The following ST6GALNAC3 variants were observed in gnomAD, a reference collection of about 807,000 sequenced individuals.
The protein encoded by ST6GALNAC3 is alpha-N-acetylgalactosaminide alpha-2,6-sialyltransferase 3.
Under a neutral mutation model 32.7 loss-of-function variants are expected in ST6GALNAC3, and 25 were observed. That is an observed-to-expected ratio of 0.76 (90% confidence interval 0.56 to 1.07). ST6GALNAC3 has a LOEUF of 1.07. ST6GALNAC3 is among the 50% of genes least tolerant of loss of function. The pLI, the probability that ST6GALNAC3 is intolerant of heterozygous loss-of-function variation, is 0.00. For synonymous variants in ST6GALNAC3, 129 were observed against 133.1 expected (o/e 0.97, Z 0.21); for missense variants, 355 against 382.4 (o/e 0.93, Z 0.60).
intron 1 of ST6GALNAC3, among the ~76,000 whole-genome samples, chr1:76,128,319 A>T (rs1303943000): frequency 6.6e-6 from 1 of 152,242 alleles, no homozygotes; most frequent in Non-Finnish European, 1.5e-5. Context: ...GCTCTACTGC[A>T]GGAGAACACC....
intron 1 of ST6GALNAC3, among the ~76,000 whole-genome samples, chr1:76,148,713 AG>A (rs941038221): frequency 1.3e-5 from 2 of 152,188 alleles, no homozygotes; most frequent in African/African-American, 2.4e-5. Context: ...TCCTGTCCCC[AG>A]GGGCCTCAGT....
At chr1:76,160,865 A>G (rs402394) in intron 1 of ST6GALNAC3, among the ~76,000 whole-genome samples, 21,271 of 150,228 alleles carry the variant, frequency 0.14, 1,738 homozygotes, top group Non-Finnish European at 0.19. Context: ...TATAATCAAC[A>G]TATCTTACTT....
chr1:76,507,681 A>G (rs1333177324), intron 3 of ST6GALNAC3, among the ~76,000 whole-genome samples: 3 of 152,206 alleles, frequency 2.0e-5, no homozygotes, highest in African/African-American at 7.2e-5. Context: ...TCATCCTCTG[A>G]CAGACATTTG....
rs150216763 is a variant in ST6GALNAC3, at chr1:76,218,653, C to G, written c.19-95152C>G. Among the ~76,000 whole-genome samples the G allele has an allele frequency of 1.9e-4, 29 of 152,242 alleles. No individual in the cohort carries two copies. The East Asian group carries it at 5.0e-3, about 26-fold the overall frequency. ...CATTTATCTGCTTTTTCTTTCCATG[C>G]CTCCCCTCTTTCCGTCCTTTCTTTT... On this transcript the variant is annotated intron_variant, in intron 1 of 4. Transcript: ENST00000328299.
chr1:76,597,160 CT>C (rs1647150469), intron 3 of ST6GALNAC3, among the ~76,000 whole-genome samples: 1 of 152,160 alleles, frequency 6.6e-6, no homozygotes, highest in African/African-American at 2.4e-5. Flanking sequence ...TCATCCAGAA[CT>C]TTTGGAGAGT....
At chr1:76,570,472 C>T (rs1665795291) in intron 3 of ST6GALNAC3, among the ~76,000 whole-genome samples, 1 of 151,984 alleles carries the variant, frequency 6.6e-6, no homozygotes, top group African/African-American at 2.4e-5. Context: ...TTTTTCCAAT[C>T]TCATACCTTC....
chr1:76,307,971 T>G (rs1476697634), intron 1 of ST6GALNAC3: 5 of 504,872 alleles, frequency 9.9e-6, no homozygotes, highest in Non-Finnish European at 2.0e-5. Flanking sequence ...TTGATGCATA[T>G]TTTTGCAGCA....
intron 3 of ST6GALNAC3, among the ~76,000 whole-genome samples, chr1:76,442,816 G>A (rs964498244): frequency 1.3e-5 from 2 of 152,118 alleles, no homozygotes; most frequent in Admixed American, 1.3e-4. Flanking sequence ...TTTTGTAATG[G>A]AATTTAAGAT....
intron 3 of ST6GALNAC3, among the ~76,000 whole-genome samples, chr1:76,416,627 G>T (rs796350585): frequency 0.013 from 1,490 of 113,206 alleles, 16 homozygotes; most frequent in African/African-American, 0.029. Context: ...TGTGGGTTTT[G>T]TTTTTTTTTT....
intron 3 of ST6GALNAC3, among the ~76,000 whole-genome samples, chr1:76,449,932 T>G (rs1244258947): frequency 6.6e-6 from 1 of 152,228 alleles, no homozygotes; most frequent in African/African-American, 2.4e-5. Flanking sequence ...CAGTGTACAC[T>G]GAACACAATG....
chr1:76,214,998 A>G (rs1655375950), intron 1 of ST6GALNAC3, among the ~76,000 whole-genome samples: 1 of 152,212 alleles, frequency 6.6e-6, no homozygotes, highest in African/African-American at 2.4e-5. Context: ...GGGTGCTCAT[A>G]TCAAATATGG....
rs141447891 is a variant in ST6GALNAC3 at position 76,172,077 on chromosome 1, A to G, written c.18+97193A>G. On this transcript the variant is annotated intron_variant, in intron 1 of 4. Coordinates refer to ENST00000328299, the MANE Select transcript of ST6GALNAC3 (RefSeq NM_152996.4). ...ATAAGCCAAATAAACATTGATACAA[A>G]AACCCTCCATAAAATACTGGCAAAC... Among the ~76,000 whole-genome samples the G allele has an allele frequency of 5.4e-3, 814 of 152,018 alleles. 8 individuals are homozygous for G. Among genetic ancestry groups the G allele is most frequent in the African/African-American group, 0.018 (749 of 41,534 alleles).
intron 2 of ST6GALNAC3, among the ~76,000 whole-genome samples, chr1:76,358,051 A>C (rs1446229229): frequency 1.3e-5 from 2 of 152,030 alleles, no homozygotes; most frequent in East Asian, 3.9e-4. Flanking sequence ...ATCAGTGCTC[A>C]CCACTTCTTT....
chr1:76,216,508 G>T (rs1655471520), intron 1 of ST6GALNAC3, among the ~76,000 whole-genome samples: 1 of 152,150 alleles, frequency 6.6e-6, no homozygotes, highest in Non-Finnish European at 1.5e-5. Context: ...TCCTATTCAG[G>T]CCTGGACAAA....
downstream of ST6GALNAC3, among the ~76,000 whole-genome samples, chr1:76,634,848 C>T (rs1159019847): frequency 1.3e-5 from 1 of 79,630 alleles, no homozygotes; most frequent in Non-Finnish European, 2.4e-5. Flanking sequence ...TACAGGCGCC[C>T]GCCACTACGC....
intron 1 of ST6GALNAC3, among the ~76,000 whole-genome samples, chr1:76,108,294 AC>A (rs1647676787): frequency 1.3e-5 from 2 of 152,204 alleles, no homozygotes; most frequent in Non-Finnish European, 2.9e-5. Context: ...TGAGCCACCA[AC>A]CCTTTTATTG....
At chr1:76,294,329 A>G (rs1660267559) in intron 1 of ST6GALNAC3, among the ~76,000 whole-genome samples, 1 of 151,942 alleles carries the variant, frequency 6.6e-6, no homozygotes, top group Non-Finnish European at 1.5e-5. Flanking sequence ...ACTGGGAAAC[A>G]GTTTCTTTTT....
rs1339609037 is a variant in ST6GALNAC3 at position 76,504,224 on chromosome 1, C to T, written c.623+91807C>T. Among the ~76,000 whole-genome samples, 4 of 152,160 alleles carry T rather than the reference C, an allele frequency of 2.6e-5. No individual in the cohort carries two copies. In the East Asian group the frequency reaches 7.7e-4, roughly 29 times the overall value. ...GCTGACTACACCTGGCATTCCTTGG[C>T]ATAAAGCAGTGTAACTCCCATCTCT... is the stretch of plus-strand genomic sequence containing the variant. On this transcript the variant is annotated intron_variant, in intron 3 of 4. Coordinates refer to ENST00000328299, the MANE Select transcript of ST6GALNAC3 (RefSeq NM_152996.4).
intron 3 of ST6GALNAC3, among the ~76,000 whole-genome samples, chr1:76,592,856 G>C (rs148727416): frequency 1.6e-4 from 25 of 152,332 alleles, no homozygotes; most frequent in African/African-American, 4.3e-4. Flanking sequence ...ACGCAGAGGA[G>C]AGGATGTGTG....
Sources: allele counts gnomAD v4.1 joint callset (sites outside exome capture counted in the v4.1 genomes callset), GRCh38; gene constraint gnomAD v4.1.1; transcripts MANE v1.5; gene names NCBI Gene and HGNC (gene_info 2026-07-23, HGNC 2026-07-21).